The following SRPK2 variants were observed in gnomAD, a reference collection of about 807,000 sequenced individuals.
SRPK2 encodes SRSF protein kinase 2.
SRPK2 carries 21 observed loss-of-function variants against 90.8 expected under a neutral mutation model. The ratio of observed to expected loss-of-function variants is 0.23; its 90% CI spans 0.16 to 0.33. The LOEUF is 0.33. Among genes scored for constraint, SRPK2 ranks in the 10% least tolerant of loss-of-function variants. The probability of loss-of-function intolerance (pLI) is 1.00; values close to 1 mark genes in which losing one functional copy is unlikely to be tolerated. For missense variants in SRPK2, 620 were observed against 869.0 expected, an observed-to-expected ratio of 0.71 and a Z score of 3.60; for synonymous variants, 288 against 311.1, an observed-to-expected ratio of 0.93 and a Z score of 0.78.
At chr7:105,283,207 G>C (rs907589193) in intron 2 of SRPK2, among the ~76,000 whole-genome samples, 7 of 152,176 alleles carry the variant, frequency 4.6e-5, no homozygotes, top group Admixed American at 1.3e-4. Context: ...AAGTTAAATG[G>C]TGCAGCTTTG....
chr7:105,255,749 T>C (rs1430830239), intron 2 of SRPK2, among the ~76,000 whole-genome samples: 1 of 152,048 alleles, frequency 6.6e-6, no homozygotes, highest in Non-Finnish European at 1.5e-5. Context: ...CTGGCCAACA[T>C]GGTGAAACCC....
chr7:105,205,507 TCTCTCTCTCTCACA>T (rs1287842730), intron 2 of SRPK2, among the ~76,000 whole-genome samples: 6 of 66,612 alleles, frequency 9.0e-5, no homozygotes, highest in African/African-American at 4.6e-4. Context: ...TCTCTCTCTC[TCTCTCTCTCTCACA>T]CACACACACA....
At chr7:105,255,250 T>C (rs1803100099) in intron 2 of SRPK2, among the ~76,000 whole-genome samples, 1 of 151,620 alleles carries the variant, frequency 6.6e-6, no homozygotes, top group African/African-American at 2.4e-5. Context: ...ATTATTTCCT[T>C]AGTATGGCTG....
chr7:105,262,201 C>G (rs1286995697), intron 2 of SRPK2, among the ~76,000 whole-genome samples: 1 of 152,126 alleles, frequency 6.6e-6, no homozygotes, highest in East Asian at 1.9e-4. Context: ...TACATCTAGA[C>G]CAAATAAATA....
Position 105,370,193 on chromosome 7 carries a change from A to G in SRPK2, c.71+18455T>C, listed in dbSNP as rs192839671. ...TGCCAAGTGCCAGGAATTTCTTTTA[A>G]GTAAATTATCCATCTTATCTCTACT... On this transcript the variant is annotated intron_variant, in intron 2 of 15. Coordinates refer to ENST00000393651, the MANE Select transcript of SRPK2 (RefSeq NM_182692.3). 7.4e-4 allele frequency among the ~76,000 whole-genome samples: 112 copies of G among 152,284 alleles called. 1 individual carries two copies. The highest frequency in any genetic ancestry group is 2.6e-3 in the African/African-American group (106 of 41,566).
intron 2 of SRPK2, among the ~76,000 whole-genome samples, chr7:105,246,302 A>G (rs972869615): frequency 5.9e-5 from 9 of 152,146 alleles, no homozygotes; most frequent in African/African-American, 2.2e-4. Context: ...ACCCTGCAAC[A>G]TTTTACAAGA....
intron 3 of SRPK2, among the ~76,000 whole-genome samples, chr7:105,182,894 T>C (rs977609915): frequency 1.4e-4 from 21 of 152,154 alleles, no homozygotes; most frequent in African/African-American, 4.1e-4. Flanking sequence ...AGTAGTATCA[T>C]ATAAAACACT....
At position 105,341,783 on chromosome 7, in the gene SRPK2, A is replaced by G. The variant is rs187956830; in HGVS notation, c.71+46865T>C. On this transcript the variant is annotated intron_variant, in intron 2 of 15. Coordinates refer to ENST00000393651, the MANE Select transcript of SRPK2 (RefSeq NM_182692.3). ...GGAGTTCGAAACCAGCCTGGCCAAC[A>G]TGGTAAAACCCATCTCTACTAAAAA... Among the ~76,000 whole-genome samples, 301 of 152,232 alleles carry G rather than the reference A, an allele frequency of 2.0e-3. 3 individuals are homozygous for G. The highest frequency in any genetic ancestry group is 7.0e-3 in the African/African-American group (289 of 41,546).
chr7:105,291,926 T>A (rs1809081315), intron 2 of SRPK2, among the ~76,000 whole-genome samples: 2 of 152,212 alleles, frequency 1.3e-5, no homozygotes, highest in South Asian at 4.1e-4. Context: ...TAAATACATT[T>A]AAAAATTCAC....
At chr7:105,142,537 A>C in intron 10 of SRPK2, 47 bp from the exon 11 acceptor site, 1 of 1,545,864 alleles carries the variant, frequency 6.5e-7, no homozygotes, top group Non-Finnish European at 8.7e-7. Flanking sequence ...ACTCTCCTTA[A>C]TACAGCCTCA....
At chr7:105,351,555 C>A (rs998683681) in intron 2 of SRPK2, among the ~76,000 whole-genome samples, 22 of 151,926 alleles carry the variant, frequency 1.4e-4, no homozygotes, top group South Asian at 2.1e-4. Context: ...GTAATCCCAG[C>A]ACTTTGGGTG....
chr7:105,125,035 C>A (rs1465994770), intron 15 of SRPK2, among the ~76,000 whole-genome samples: 1 of 147,386 alleles, frequency 6.8e-6, no homozygotes, highest in Non-Finnish European at 1.5e-5. Flanking sequence ...GAGGCTGCGG[C>A]AGGAGAATTG....
intron 2 of SRPK2, among the ~76,000 whole-genome samples, chr7:105,254,402 C>T (rs1349825812): frequency 6.6e-6 from 1 of 152,130 alleles, no homozygotes; most frequent in Non-Finnish European, 1.5e-5. Flanking sequence ...TTCTGAAAAA[C>T]AAACACTCCT....
chr7:105,288,903 G>C (rs533622289), intron 2 of SRPK2, among the ~76,000 whole-genome samples: 1 of 151,956 alleles, frequency 6.6e-6, no homozygotes, highest in Non-Finnish European at 1.5e-5. Context: ...ACAATAAAGA[G>C]GTAAGTATAA....
intron 2 of SRPK2, among the ~76,000 whole-genome samples, chr7:105,294,786 A>C (rs990192817): frequency 7.9e-5 from 12 of 152,260 alleles, no homozygotes; most frequent in Admixed American, 7.8e-4. Context: ...TTGGCCTCCC[A>C]AAGAGCTGGA....
chr7:105,180,051 T>C (rs570077767), intron 3 of SRPK2, among the ~76,000 whole-genome samples: 22 of 152,162 alleles, frequency 1.4e-4, no homozygotes, highest in African/African-American at 5.3e-4. Context: ...AAACTATAAA[T>C]GGCATTCTTC....
intron 2 of SRPK2, among the ~76,000 whole-genome samples, chr7:105,208,973 AT>A (rs1006555670): frequency 8.6e-5 from 13 of 151,764 alleles, no homozygotes; most frequent in Non-Finnish European, 1.9e-4. Flanking sequence ...ACAACAATAA[AT>A]TTTTAAAAAA....
At chr7:105,338,457 C>T (rs1307980120) in intron 2 of SRPK2, among the ~76,000 whole-genome samples, 3 of 152,094 alleles carry the variant, frequency 2.0e-5, no homozygotes, top group Non-Finnish European at 2.9e-5. Flanking sequence ...ATCTTGGCCA[C>T]ACTGATTTCA....
chr7:105,328,365 C>A (rs909005317), intron 2 of SRPK2, among the ~76,000 whole-genome samples: 1 of 148,006 alleles, frequency 6.8e-6, no homozygotes, highest in African/African-American at 2.5e-5. Flanking sequence ...AGTTTGAGAC[C>A]AGCCTGGCAA....
Sources: allele counts gnomAD v4.1 joint callset (sites outside exome capture counted in the v4.1 genomes callset), GRCh38; gene constraint gnomAD v4.1.1; transcripts MANE v1.5; gene names NCBI Gene and HGNC (gene_info 2026-07-23, HGNC 2026-07-21).